CEP104: variants seen among roughly 807,000 people sequenced by gnomAD.
CEP104 encodes centrosomal protein 104.
In CEP104, 84 loss-of-function variants were observed where a neutral mutation model predicts 113.3. That is an observed-to-expected ratio of 0.74 (90% CI 0.62 to 0.89). CEP104 has a LOEUF of 0.89. CEP104 is among the 40% of genes least tolerant of loss of function. The pLI, the probability that CEP104 is intolerant of heterozygous loss-of-function variation, is 0.00. For synonymous variants in CEP104, 378 were observed against 421.7 expected (o/e 0.90, Z 1.27); for missense variants, 1,053 against 1,156.6 (o/e 0.91, Z 1.30).
intron 12 of CEP104, 85 bp from the exon 13 acceptor site, chr1:3,831,307 C>A: frequency 1.7e-6 from 2 of 1,196,782 alleles, no homozygotes; most frequent in Admixed American, 2.0e-5. Flanking sequence ...TTAAACTAAA[C>A]ACTGAAGGGA....
chr1:3,838,957 C>T lies in CEP104; in HGVS notation c.891+7G>A, dbSNP rs765953847. The T allele has an allele frequency of 3.7e-6, 6 of 1,613,884 alleles. No individual in the cohort carries two copies. The highest frequency in any genetic ancestry group is 1.3e-5 in the African/African-American group (1 of 74,918). ...TTCCTCCACTCCGTCTGGGCTCCTG[C>T]ACCCACCAGCTCGGCATCCAGGAGG... On this transcript the variant is annotated splice_region_variant and intron_variant, in intron 8 of 21. Coordinates refer to ENST00000378230, the MANE Select transcript of CEP104 (RefSeq NM_014704.4).
intron 15 of CEP104, 68 bp downstream of exon 15, chr1:3,829,198 T>C (rs1228947311): frequency 2.9e-6 from 3 of 1,037,054 alleles, no homozygotes; most frequent in Non-Finnish European, 4.2e-6. Context: ...TCAAGTATGA[T>C]GTGGATCTAT....
chr1:3,825,969 T>C (rs1644082611), intron 17 of CEP104, 103 bp from the exon 18 acceptor site: 1 of 806,902 alleles, frequency 1.2e-6, no homozygotes, highest in Non-Finnish European at 2.1e-6. Context: ...CCAGTCCCTG[T>C]GATGTGTGCA....
In CEP104 at chr1:3,849,343, T is replaced by C. The variant is rs74547395; in HGVS notation, c.114-562A>G. The stretch of plus-strand genomic sequence containing the variant: ...AGCGGTGTGATTATGGCTCACTGCA[T>C]CTTTGATCTCCTGGGCTCAAGTGAC... On this transcript the variant is annotated intron_variant, in intron 2 of 21. Transcript: ENST00000378230. Among the ~76,000 whole-genome samples the C allele has an allele frequency of 7.0e-3, 1,058 of 151,472 alleles. 5 individuals carry two copies. The highest frequency in any genetic ancestry group is 0.011 in the Non-Finnish European group (742 of 67,920).
chr1:3,855,451 G>A (rs569064354), intron 1 of CEP104, among the ~76,000 whole-genome samples: 2 of 151,758 alleles, frequency 1.3e-5, no homozygotes, highest in Non-Finnish European at 1.5e-5. Flanking sequence ...TTACAGGCGT[G>A]AGCCGCCGAG....
In CEP104 at chr1:3,837,504, C is replaced by A; in HGVS notation, c.907G>T (p.Asp303Tyr). Residue 303 changes from aspartate (D) to tyrosine (Y), a missense_variant, in exon 9 of 22, where the codon GAT becomes TAT. Coordinates refer to ENST00000378230, the MANE Select transcript of CEP104 (RefSeq NM_014704.4). ...CGAGCGAGGGGCTGGAGGGGCAAAT[C>A]AAAAGGTCTTCGCATCTAGAGAACA... ...LDAELMRRPF[D>Y]LPLQPLARSG... The A allele has an allele frequency of 1.2e-6, 2 of 1,614,168 alleles. No homozygotes were observed. Among genetic ancestry groups the A allele is most frequent in the South Asian group, 2.2e-5 (2 of 91,074 alleles).
At chr1:3,855,139 T>G (rs978578243) in intron 1 of CEP104, among the ~76,000 whole-genome samples, 6 of 151,034 alleles carry the variant, frequency 4.0e-5, no homozygotes, top group Non-Finnish European at 8.8e-5. Context: ...CCCAAAGTGT[T>G]GGGATTACAG....
intron 4 of CEP104, among the ~76,000 whole-genome samples, chr1:3,846,148 A>C (rs984632591): frequency 2.0e-5 from 3 of 152,162 alleles, no homozygotes; most frequent in Non-Finnish European, 4.4e-5. Flanking sequence ...AAGTTTTAAC[A>C]TAGCCTCAAA....
chr1:3,825,433 A>T (rs1265052811), intron 18 of CEP104, among the ~76,000 whole-genome samples: 1 of 152,172 alleles, frequency 6.6e-6, no homozygotes, highest in East Asian at 1.9e-4. Context: ...TAAAGCAAGA[A>T]ATCCAACATG....
chr1:3,839,141 T>G (rs1389746396), intron 7 of CEP104, 22 bp from the exon 8 acceptor site: 1 of 1,611,862 alleles, frequency 6.2e-7, no homozygotes, highest in South Asian at 1.1e-5. Flanking sequence ...AATATTTGCT[T>G]TTTCTTTCAA....
rs1195130488 is a variant in CEP104, at chr1:3,833,761, C to T, written c.1659+101G>A. ...GGTGAATCCCTGAGAATAATGTTAA[C>T]TGAGTAGAGACAGAATCTTGTAAAA... On this transcript the variant is annotated intron_variant, in intron 12 of 21. Transcript: ENST00000378230. 3 of 1,128,112 alleles carry T rather than the reference C, an allele frequency of 2.7e-6. No homozygotes were observed. In the African/African-American group the frequency reaches 4.6e-5, roughly 17 times the overall value. 69.9% of individuals were successfully genotyped at this position (1,128,112 alleles called of 1,614,324 possible). A position where few individuals can be genotyped will look rare whatever the true frequency, so the allele number is the denominator to read the frequency against.
Position 3,815,516 on chromosome 1 carries a change from C to T in CEP104, c.2664G>A (p.Gly888=). Residue 888 remains glycine, a splice_region_variant and synonymous_variant, in exon 22 of 22, where the codon GGG becomes GGA. Transcript: ENST00000378230. ...ILQKAPALQP[G]KSSAVAASGP... ...CTGATGCGGCCACAGCTGAGCTTTT[C>T]CCTGCAGAGCAAGCACAGGACCTGC... 1 of 1,592,350 alleles carries T rather than the reference C, an allele frequency of 6.3e-7. No homozygotes were observed. The highest frequency in any genetic ancestry group is 8.6e-7 in the Non-Finnish European group (1 of 1,168,844).
chr1:3,828,542 C>T (rs966319769), intron 15 of CEP104, among the ~76,000 whole-genome samples: 1 of 152,206 alleles, frequency 6.6e-6, no homozygotes, highest in Non-Finnish European at 1.5e-5. Flanking sequence ...TTGACATGAG[C>T]TCTGCCCTCT....
chr1:3,834,478 A>T (rs1238060623), intron 11 of CEP104, among the ~76,000 whole-genome samples: 1 of 152,186 alleles, frequency 6.6e-6, no homozygotes, highest in African/African-American at 2.4e-5. Flanking sequence ...TTCCCTTCAT[A>T]CTGAGTATCT....
intron 20 of CEP104, 170 bp from the exon 21 acceptor site, chr1:3,816,540 T>G: frequency 1.7e-6 from 1 of 589,038 alleles, no homozygotes; most frequent in South Asian, 2.0e-5. Flanking sequence ...TATGTTATGA[T>G]AGCCTCTGCA....
At chr1:3,856,167 G>A (rs985729788) in intron 1 of CEP104, among the ~76,000 whole-genome samples, 1 of 152,188 alleles carries the variant, frequency 6.6e-6, no homozygotes, top group African/African-American at 2.4e-5. Flanking sequence ...CCAGCACTTC[G>A]GGAGGCCGAG....
Position 3,823,537 on chromosome 1 carries a change from T to C in CEP104, c.2390A>G (p.Glu797Gly). The C allele has an allele frequency of 6.2e-7, 1 of 1,614,210 alleles. No individual in the cohort carries two copies. The highest frequency in any genetic ancestry group is 2.2e-5 in the East Asian group (1 of 44,886). Residue 797 changes from glutamate to glycine, a missense_variant, in exon 19 of 22, where the codon GAG (glutamate) becomes GGG (glycine). Physicochemically the swap from Glu to Gly is moderately conservative, Grantham distance 98 (BLOSUM62 -2). Transcript: ENST00000378230. The surrounding 1 kb of genome is among the most constrained non-coding windows in gnomAD (Gnocchi z 4.1). ...TTTGTCACATTCCGTCAGCAAGTGCTCCGTCAGACTGGATATCTCGACCAC... is the reference window on the plus strand; with the variant it reads ...TTTGTCACATTCCGTCAGCAAGTGCCCCGTCAGACTGGATATCTCGACCAC... Reference protein sequence around the residue: ...KQVVEISSLTEHLLTECDKKD... With the variant: ...KQVVEISSLTGHLLTECDKKD...
intron 7 of CEP104, 41 bp downstream of exon 7, chr1:3,839,567 T>C: frequency 6.4e-7 from 1 of 1,559,854 alleles, no homozygotes; most frequent in Non-Finnish European, 8.7e-7. Context: ...TAAAACCTAT[T>C]ACAGGCATAA....
chr1:3,830,302 C>T (rs1453281274), intron 13 of CEP104, among the ~76,000 whole-genome samples: 3 of 152,016 alleles, frequency 2.0e-5, no homozygotes, highest in Non-Finnish European at 4.4e-5. Flanking sequence ...GTGTGCGCTC[C>T]TGCGTAGCCG....
Sources: allele counts gnomAD v4.1 joint callset (sites outside exome capture counted in the v4.1 genomes callset), GRCh38; gene constraint gnomAD v4.1.1; non-coding constraint Gnocchi (gnomAD v3.1); transcripts MANE v1.5; gene names NCBI Gene and HGNC (gene_info 2026-07-23, HGNC 2026-07-21).